WWOX: variants seen among roughly 807,000 people sequenced by gnomAD.
WWOX encodes WW domain-containing oxidoreductase.
A neutral mutation model predicts 46.2 loss-of-function variants in WWOX; 69 were observed. The observed-to-expected ratio is 1.49, with a 90% CI of 1.23 to 1.82. The LOEUF (loss-of-function observed/expected upper bound fraction) is 1.82, where lower values mean the gene tolerates loss of function less well. WWOX is among the 40% of genes most tolerant of loss of function. WWOX has a pLI of 0.00. For missense variants in WWOX, 919 were observed against 542.6 expected (o/e 1.69, Z -6.89); for synonymous variants, 359 against 202.6 (o/e 1.77, Z -6.56).
At chr16:78,886,820 T>C (rs555629901) in intron 8 of WWOX, among the ~76,000 whole-genome samples, 2 of 152,214 alleles carry the variant, frequency 1.3e-5, no homozygotes, top group South Asian at 2.1e-4. Flanking sequence ...AAAAAGCTTA[T>C]TCAGAGTCCT....
At chr16:78,632,962 C>T (rs1017668784) in intron 8 of WWOX, among the ~76,000 whole-genome samples, 10 of 152,034 alleles carry the variant, frequency 6.6e-5, no homozygotes, top group African/African-American at 2.4e-4. Context: ...CCCCATTTTA[C>T]AGATGAAGAA....
intron 8 of WWOX, among the ~76,000 whole-genome samples, chr16:79,025,014 C>G (rs963998989): frequency 6.6e-6 from 1 of 152,190 alleles, no homozygotes; most frequent in Non-Finnish European, 1.5e-5. Context: ...AAATGAAGCA[C>G]CGCCAGGCCC....
intron 5 of WWOX, among the ~76,000 whole-genome samples, chr16:78,200,461 A>T (rs1014656467): frequency 2.0e-5 from 3 of 150,544 alleles, no homozygotes; most frequent in Non-Finnish European, 4.4e-5. Context: ...TCAGTTTCCC[A>T]GCATGTAAAA....
chr16:78,472,202 A>G (rs1428521658), intron 8 of WWOX, among the ~76,000 whole-genome samples: 5 of 152,178 alleles, frequency 3.3e-5, no homozygotes, highest in Admixed American at 3.3e-4. Flanking sequence ...AGAAGCACCA[A>G]TACAAGGAAC....
chr16:78,595,510 A>G (rs2045467499), intron 8 of WWOX, among the ~76,000 whole-genome samples: 1 of 152,216 alleles, frequency 6.6e-6, no homozygotes, highest in Non-Finnish European at 1.5e-5. Flanking sequence ...GTGGCTATGT[A>G]CAAGACCACA....
intron 8 of WWOX, among the ~76,000 whole-genome samples, chr16:78,599,540 A>C (rs1380191419): frequency 6.6e-6 from 1 of 152,176 alleles, no homozygotes; most frequent in Non-Finnish European, 1.5e-5. Context: ...ACATGGCCTC[A>C]GGAGGGCCAC....
chr16:78,336,842 G>T (rs1001332916), intron 5 of WWOX, among the ~76,000 whole-genome samples: 38 of 152,118 alleles, frequency 2.5e-4, no homozygotes, highest in Admixed American at 1.3e-4. Flanking sequence ...TCCCAGGATG[G>T]AGTGCAGTGG....
chr16:78,798,470 A>C (rs925953283), intron 8 of WWOX, among the ~76,000 whole-genome samples: 1 of 151,986 alleles, frequency 6.6e-6, no homozygotes, highest in East Asian at 1.9e-4. Flanking sequence ...TTTGTTATGT[A>C]CTCATGCCCC....
At chr16:79,182,595 G>A (rs368418004) in intron 8 of WWOX, among the ~76,000 whole-genome samples, 1 of 151,994 alleles carries the variant, frequency 6.6e-6, no homozygotes, top group Non-Finnish European at 1.5e-5. Context: ...AGAATATCAG[G>A]GTGTTTAAAA....
intron 5 of WWOX, among the ~76,000 whole-genome samples, chr16:78,247,345 G>A (rs1408581712): frequency 1.1e-4 from 17 of 152,126 alleles, no homozygotes; most frequent in Admixed American, 8.5e-4. Flanking sequence ...CAATGCACCC[G>A]TTATTACTTG....
intron 8 of WWOX, among the ~76,000 whole-genome samples, chr16:78,564,075 T>G (rs372966528): frequency 5.9e-5 from 9 of 152,336 alleles, no homozygotes; most frequent in African/African-American, 2.2e-4. Context: ...GTTTCCATAT[T>G]GCCCCAGCCA....
chr16:78,824,836 C>G (rs939385162), intron 8 of WWOX, among the ~76,000 whole-genome samples: 15 of 152,050 alleles, frequency 9.9e-5, no homozygotes, highest in African/African-American at 2.4e-4. Context: ...GGAGACACAC[C>G]CAAAGCATAT....
At chr16:78,957,883 C>T (rs1337411718) in intron 8 of WWOX, among the ~76,000 whole-genome samples, 2 of 152,196 alleles carry the variant, frequency 1.3e-5, no homozygotes, top group Non-Finnish European at 2.9e-5. Context: ...CGTGGGGGGA[C>T]ACATGACTAA....
At chr16:78,913,331 C>T (rs553133916) in intron 8 of WWOX, among the ~76,000 whole-genome samples, 6 of 152,104 alleles carry the variant, frequency 3.9e-5, no homozygotes, top group African/African-American at 1.4e-4. Flanking sequence ...TTTTGAGCCT[C>T]TGCCTGTTAG....
chr16:78,572,547 G>T (rs1472322641), intron 8 of WWOX, among the ~76,000 whole-genome samples: 1 of 136,292 alleles, frequency 7.3e-6, no homozygotes, highest in African/African-American at 2.8e-5. Context: ...AGGCTGCAGT[G>T]AGCCATGATT....
At chr16:79,028,392 G>A (rs1448019353) in intron 8 of WWOX, among the ~76,000 whole-genome samples, 2 of 151,840 alleles carry the variant, frequency 1.3e-5, no homozygotes, top group Admixed American at 6.6e-5. Flanking sequence ...TTCTACCTAT[G>A]TTTTCACAGA....
intron 5 of WWOX, among the ~76,000 whole-genome samples, chr16:78,255,232 T>C (rs750565646): frequency 4.6e-5 from 7 of 152,216 alleles, no homozygotes; most frequent in Non-Finnish European, 8.8e-5. Context: ...CTAGTCAGTT[T>C]CTGGCACACT....
chr16:78,528,726 C>A (rs528216828), intron 8 of WWOX, among the ~76,000 whole-genome samples: 1 of 151,804 alleles, frequency 6.6e-6, no homozygotes, highest in South Asian at 2.1e-4. Flanking sequence ...TAAATTTGGC[C>A]GGTGAAAATG....
At chr16:78,580,497 C>A (rs2045022891) in intron 8 of WWOX, among the ~76,000 whole-genome samples, 1 of 152,142 alleles carries the variant, frequency 6.6e-6, no homozygotes, top group Non-Finnish European at 1.5e-5. Flanking sequence ...CTGGCAGATG[C>A]CCAGAGGCAT....
Sources: allele counts gnomAD v4.1 joint callset (sites outside exome capture counted in the v4.1 genomes callset), GRCh38; gene constraint gnomAD v4.1.1; transcripts MANE v1.5; gene names NCBI Gene and HGNC (gene_info 2026-07-23, HGNC 2026-07-21).